The following STX3 variants were observed in gnomAD, a reference collection of about 807,000 sequenced individuals.
STX3 encodes the protein syntaxin-3.
Under a neutral mutation model 40.2 loss-of-function variants are expected in STX3, and 19 were observed. The ratio of observed to expected loss-of-function variants is 0.47; its 90% CI spans 0.33 to 0.69. STX3 has a LOEUF of 0.69. Among genes scored for constraint, STX3 ranks in the 30% least tolerant of loss-of-function variants. STX3 has a pLI of 0.02. For synonymous variants in STX3, 122 were observed against 132.2 expected, an observed-to-expected ratio of 0.92 and a Z score of 0.53; for missense variants, 364 against 366.7, an observed-to-expected ratio of 0.99 and a Z score of 0.06.
chr11:59,800,401 A>G, intron 10 of STX3: 1 of 985,388 alleles, frequency 1.0e-6, no homozygotes, highest in Middle Eastern at 5.2e-4. Context: ...CATAAGGTGG[A>G]GCAGCCATAA....
Position 59,774,523 on chromosome 11 carries a change from T to C in STX3, c.114+1229T>C, listed in dbSNP as rs968105143. Among the ~76,000 whole-genome samples the C allele has an allele frequency of 4.0e-5, 6 of 151,632 alleles. No homozygotes were observed. In the East Asian group the frequency reaches 5.8e-4, roughly 15 times the overall value. On this transcript the variant is annotated intron_variant, in intron 2 of 10. Transcript: ENST00000337979. Reference sequence around the variant, plus strand: ...AAACAATAAACAACAAAAATCCCCATTGAGTTGCATAAGGATTAAGAGGGA... The same window carrying C: ...AAACAATAAACAACAAAAATCCCCACTGAGTTGCATAAGGATTAAGAGGGA...
chr11:59,781,726 G>C, intron 2 of STX3: 1 of 1,587,096 alleles, frequency 6.3e-7, no homozygotes, highest in Admixed American at 1.8e-5. Flanking sequence ...GCCATGGTGG[G>C]TGCGGGCGGG....
intron 2 of STX3, among the ~76,000 whole-genome samples, chr11:59,780,744 T>G (rs1864318261): frequency 6.6e-6 from 1 of 152,176 alleles, no homozygotes; most frequent in Admixed American, 6.5e-5. Context: ...ATTTTCAGAG[T>G]GCCCCAGCAA....
intron 1 of STX3, among the ~76,000 whole-genome samples, chr11:59,772,220 T>G (rs1396203440): frequency 6.6e-6 from 1 of 152,214 alleles, no homozygotes; most frequent in African/African-American, 2.4e-5. Context: ...CTGCCTCACC[T>G]CCACCTTTCA....
chr11:59,801,288 G>A lies in STX3; in HGVS notation c.*464G>A, dbSNP rs778750934. The A allele has an allele frequency of 4.8e-5, 48 of 1,002,966 alleles. No homozygotes were observed. In the Middle Eastern group the frequency reaches 2.0e-3, roughly 42 times the overall value. 62.1% of individuals were successfully genotyped at this position (1,002,966 alleles called of 1,614,324 possible). ...TTCTTCTAAGTTTGGCAACAAGAAG[G>A]CTTGGATCTGAGTCTTCTACCTGGC... On this transcript the variant is annotated 3_prime_UTR_variant, in exon 11 of 11. Coordinates refer to ENST00000337979, the MANE Select transcript of STX3 (RefSeq NM_004177.5).
chr11:59,780,055 T>C (rs1864259270), intron 2 of STX3, among the ~76,000 whole-genome samples: 1 of 152,196 alleles, frequency 6.6e-6, no homozygotes, highest in African/African-American at 2.4e-5. Context: ...CCTATTTGCA[T>C]TCAGGACCAT....
At chr11:59,790,305 C>A (rs945230341) in intron 4 of STX3, among the ~76,000 whole-genome samples, 9 of 152,288 alleles carry the variant, frequency 5.9e-5, no homozygotes, top group African/African-American at 2.2e-4. Context: ...TGACCAGAAC[C>A]CATGCTGTTA....
rs1353899336 is a variant in STX3 at position 59,773,237 on chromosome 11, T to C, written c.57T>C (p.Thr19=). 6.2e-7 allele frequency: 1 copy of C among 1,614,232 alleles called. No homozygotes were observed. Among genetic ancestry groups the C allele is most frequent in the Non-Finnish European group, 8.5e-7 (1 of 1,180,028 alleles). Residue 19 remains threonine (T), a synonymous_variant, in exon 2 of 11, where the codon ACT becomes ACC. Transcript: ENST00000337979. The part of the protein sequence containing the change: ...KAKQLTQDDD[T]DAVEIAIDNT... ...AGCAGCTGACACAGGATGATGATAC[T>C]GATGCGGTTGAGATTGCTATCGACA...
rs544993224 is a variant in STX3, at chr11:59,790,480, G to A, written c.290-39G>A. On this transcript the variant is annotated intron_variant, in intron 4 of 10. Transcript: ENST00000337979. ...ACTGAATAGCATGTTTCTTGGAGGC[G>A]GAGATAGGTTGCAAGTATAACCTTC... 46 of 1,479,394 alleles carry A rather than the reference G, an allele frequency of 3.1e-5. No homozygotes were observed. In the Admixed American group the frequency reaches 4.0e-4, roughly 13 times the overall value. 91.6% of individuals were successfully genotyped at this position (1,479,394 alleles called of 1,614,324 possible). A position where few individuals can be genotyped will look rare whatever the true frequency, so the allele number is the denominator to read the frequency against.
At position 59,793,093 on chromosome 11, in the gene STX3, A is replaced by T; in HGVS notation, c.467-6A>T. 1.2e-6 allele frequency: 2 copies of T among 1,613,246 alleles called. No homozygotes were observed. Among genetic ancestry groups the T allele is most frequent in the Non-Finnish European group, 1.7e-6 (2 of 1,179,896 alleles). ...TATTTGACGCTCTACTTCTTTTGTT[A>T]CAAAGCTGGCAAAAAGACAACCGAT... On this transcript the variant is annotated splice_polypyrimidine_tract_variant and splice_region_variant and intron_variant, in intron 6 of 10. Coordinates refer to ENST00000337979, the MANE Select transcript of STX3 (RefSeq NM_004177.5).
rs1160081115 is a variant in STX3, at chr11:59,766,897, A to G, written c.31-6314A>G. Among the ~76,000 whole-genome samples the G allele has an allele frequency of 3.3e-5, 5 of 152,246 alleles. No homozygotes were observed. In the East Asian group the frequency reaches 9.6e-4, roughly 29 times the overall value. On this transcript the variant is annotated intron_variant, in intron 1 of 10. Transcript: ENST00000337979. ...CATACTGCAGATGGGATTCGTTGAC[A>G]TGGTGTACACAAAGCAGCTAGTGTC...
intron 2 of STX3, among the ~76,000 whole-genome samples, chr11:59,783,408 T>G (rs919967648): frequency 1.3e-5 from 2 of 152,252 alleles, no homozygotes; most frequent in African/African-American, 2.4e-5. Context: ...TCTACTTCTT[T>G]GAGACTCGAT....
intron 1 of STX3, among the ~76,000 whole-genome samples, chr11:59,763,191 A>C (rs955411140): frequency 5.9e-5 from 9 of 152,212 alleles, no homozygotes; most frequent in African/African-American, 2.2e-4. Flanking sequence ...ATGGGTGATG[A>C]GACCTTGAGA....
chr11:59,763,854 A>G (rs1863156305), intron 1 of STX3, among the ~76,000 whole-genome samples: 2 of 152,154 alleles, frequency 1.3e-5, no homozygotes, highest in Admixed American at 1.3e-4. Context: ...CCCTGTCTCT[A>G]CTAAAAATAC....
chr11:59,787,005 G>A, intron 2 of STX3, 32 bp from the exon 3 acceptor site: 1 of 1,586,034 alleles, frequency 6.3e-7, no homozygotes, highest in South Asian at 1.1e-5. Context: ...CTTCCTCTTT[G>A]ATGATGAAGG....
chr11:59,762,703 CA>C (rs112253326), intron 1 of STX3, among the ~76,000 whole-genome samples: 15,621 of 151,756 alleles, frequency 0.1, 1,116 homozygotes, highest in African/African-American at 0.2. Flanking sequence ...GGACAGGAGA[CA>C]GGGGAAGGGA....
At chr11:59,791,527 T>G (rs1865160054) in intron 5 of STX3, among the ~76,000 whole-genome samples, 1 of 152,074 alleles carries the variant, frequency 6.6e-6, no homozygotes, top group African/African-American at 2.4e-5. Flanking sequence ...TGGTCTAAAT[T>G]TGTATGGTGG....
intron 2 of STX3, 138 bp downstream of exon 2, chr11:59,773,432 G>T (rs541749688): frequency 1.5e-4 from 108 of 709,810 alleles, no homozygotes; most frequent in South Asian, 3.7e-4. Flanking sequence ...GCCAGACAAA[G>T]AAATTAAAAT....
At chr11:59,784,015 G>A (rs960113405) in intron 2 of STX3, among the ~76,000 whole-genome samples, 7 of 152,102 alleles carry the variant, frequency 4.6e-5, no homozygotes, top group Non-Finnish European at 7.4e-5. Context: ...GGCAGGTTGC[G>A]GATAGAGCAC....
Sources: gnomAD v4.1 joint callset for allele counts (sites outside exome capture counted in the v4.1 genomes callset) on GRCh38, gnomAD v4.1.1 for gene constraint, MANE v1.5 for transcripts, NCBI Gene and HGNC (gene_info 2026-07-23, HGNC 2026-07-21) for gene names.